PITPNM2: variants seen among roughly 807,000 people sequenced by gnomAD.
PITPNM2 encodes the protein membrane-associated phosphatidylinositol transfer protein 2.
Under a neutral mutation model 132.2 loss-of-function variants are expected in PITPNM2, and 35 were observed. That is an observed-to-expected ratio of 0.26 (90% CI 0.20 to 0.35). The LOEUF (loss-of-function observed/expected upper bound fraction) is 0.35, where lower values mean the gene tolerates loss of function less well. Ranked by LOEUF, PITPNM2 falls within the 10% of genes least tolerant of loss-of-function variation. PITPNM2 has a pLI of 1.00. For missense variants in PITPNM2, 1,332 were observed against 1,912.0 expected (o/e 0.70, Z 5.66); for synonymous variants, 738 against 799.2 (o/e 0.92, Z 1.29).
intron 2 of PITPNM2, among the ~76,000 whole-genome samples, chr12:123,101,313 G>A (rs142005120): frequency 2.8e-4 from 42 of 152,234 alleles, no homozygotes; most frequent in African/African-American, 9.2e-4. Flanking sequence ...CCCTCCTGCC[G>A]AGATGCCACC....
chr12:123,078,277 C>A lies in PITPNM2; in HGVS notation c.-96+32108G>T, dbSNP rs1010129972. Among the ~76,000 whole-genome samples, 3 of 152,196 alleles carry A rather than the reference C, an allele frequency of 2.0e-5. No individual in the cohort carries two copies. Among genetic ancestry groups the A allele is most frequent in the African/African-American group, 7.2e-5 (3 of 41,454 alleles). On this transcript the variant is annotated intron_variant, in intron 2 of 25. Transcript: ENST00000320201. The surrounding 1 kb of genome is among the most constrained non-coding windows in gnomAD (Gnocchi z 7.3). Reference sequence around the variant, plus strand: ...CAATCCCACAGTTCTGCTGCTGCAGCCTCCCCCATACCAGGCCTCAGGGTC... The same window carrying A: ...CAATCCCACAGTTCTGCTGCTGCAGACTCCCCCATACCAGGCCTCAGGGTC...
intron 2 of PITPNM2, among the ~76,000 whole-genome samples, chr12:123,049,618 A>G (rs1294025878): frequency 6.6e-6 from 1 of 152,064 alleles, no homozygotes; most frequent in East Asian, 1.9e-4. Flanking sequence ...TCCCTTCTAC[A>G]GTGTAGATTT....
At chr12:123,030,620 G>C (rs887469995) in intron 3 of PITPNM2, among the ~76,000 whole-genome samples, 1 of 151,912 alleles carries the variant, frequency 6.6e-6, no homozygotes, top group Non-Finnish European at 1.5e-5. Context: ...GTGAACCCGG[G>C]AGGCGGAGCT....
At chr12:123,042,113 T>C (rs188606293) in intron 2 of PITPNM2, among the ~76,000 whole-genome samples, 36 of 151,462 alleles carry the variant, frequency 2.4e-4, no homozygotes, top group Non-Finnish European at 4.4e-4. Flanking sequence ...AGAAGAGCTG[T>C]GAGGGATGTC....
In PITPNM2 at chr12:123,023,301, C is replaced by T. The variant is rs2039741320; in HGVS notation, c.79-9259G>A. ...GCGCAGGCGTGCATGCGTGCACACACATGTGGCGTGTGTGTGCATGCAGGA... is the reference window on the plus strand; with the variant it reads ...GCGCAGGCGTGCATGCGTGCACACATATGTGGCGTGTGTGTGCATGCAGGA... On this transcript the variant is annotated intron_variant, in intron 3 of 25. Coordinates refer to ENST00000320201, the MANE Select transcript of PITPNM2 (RefSeq NM_020845.3). This position sits in a 1 kb window ranked among gnomAD's most constrained non-coding sequence, Gnocchi z 4.8. Among the ~76,000 whole-genome samples, 1 of 152,206 alleles carries T rather than the reference C, an allele frequency of 6.6e-6. No homozygotes were observed. The highest frequency in any genetic ancestry group is 1.9e-4 in the East Asian group (1 of 5,188).
At chr12:123,107,300 T>G (rs1784104513) in intron 2 of PITPNM2, among the ~76,000 whole-genome samples, 1 of 152,210 alleles carries the variant, frequency 6.6e-6, no homozygotes, top group Non-Finnish European at 1.5e-5. Context: ...CTCATGGCAA[T>G]GCCAGAAGCT....
chr12:122,991,636 C>T (rs1446584776), intron 16 of PITPNM2: 2 of 1,105,468 alleles, frequency 1.8e-6, no homozygotes, highest in Non-Finnish European at 2.3e-6. Flanking sequence ...GTCTCTGTTC[C>T]TCACCACCCA....
At chr12:123,007,507 G>A (rs775608246) in intron 6 of PITPNM2, 9 of 423,214 alleles carry the variant, frequency 2.1e-5, no homozygotes, top group South Asian at 5.0e-5. Context: ...GTTGGGCCAC[G>A]CCAGGCTCCC....
intron 1 of PITPNM2, among the ~76,000 whole-genome samples, chr12:123,130,779 CA>C (rs145349013): frequency 6.7e-6 from 1 of 150,188 alleles, no homozygotes; most frequent in South Asian, 2.1e-4. Context: ...GACTCCATCT[CA>C]AAAAAAAAGA....
chr12:123,055,553 C>G (rs1432498827), intron 2 of PITPNM2, among the ~76,000 whole-genome samples: 1 of 152,238 alleles, frequency 6.6e-6, no homozygotes, highest in Non-Finnish European at 1.5e-5. Context: ...TCAGTGACAT[C>G]TTGATGCAGC....
At position 122,988,757 on chromosome 12, in the gene PITPNM2, C is replaced by T. The variant is rs2038050085; in HGVS notation, c.2847G>A (p.Glu949=). Residue 949 remains glutamate, a synonymous_variant, in exon 19 of 26, where the codon GAG becomes GAA. Coordinates refer to ENST00000320201, the MANE Select transcript of PITPNM2 (RefSeq NM_020845.3). ...GCAGAAAGGAGACCACGTCTGTTGA[C>T]TCCCAGTAGCTGGCGTGGAAGAGGT... is the stretch of plus-strand genomic sequence containing the variant. ...LPHLFHASYW[E]STDVVSFLLR... 1 of 1,571,204 alleles carries T rather than the reference C, an allele frequency of 6.4e-7. No homozygotes were observed. Among genetic ancestry groups the T allele is most frequent in the Non-Finnish European group, 8.6e-7 (1 of 1,157,942 alleles).
intron 3 of PITPNM2, among the ~76,000 whole-genome samples, chr12:123,033,698 G>T (rs1045146862): frequency 7.9e-5 from 12 of 152,150 alleles, no homozygotes; most frequent in Non-Finnish European, 1.8e-4. Flanking sequence ...AGAATGGGGT[G>T]TTATGGACTG....
rs1383422170 is a variant in PITPNM2, at chr12:123,083,978, GC to G, written c.-96+26406del. 3 of 152,330 alleles carry G rather than the reference GC, an allele frequency of 2.0e-5. No homozygotes were observed. The highest frequency in any genetic ancestry group is 7.2e-5 in the African/African-American group (3 of 41,474). 9.4% of individuals were successfully genotyped at this position (152,330 alleles called of 1,614,324 possible). On this transcript the variant is annotated intron_variant, in intron 2 of 25. Transcript: ENST00000320201. The surrounding 1 kb of genome is among the most constrained non-coding windows in gnomAD (Gnocchi z 4.5). ...CCACCTCCCCAACCTCAGCAAGCCT[GC>G]TGGGGTGACTGCACTCAGGCCAGGC...
chr12:123,055,956 T>G (rs1374661258), intron 2 of PITPNM2, among the ~76,000 whole-genome samples: 1 of 150,790 alleles, frequency 6.6e-6, no homozygotes, highest in East Asian at 2.0e-4. Context: ...AGAAATAGAG[T>G]GGCACCTTTT....
At position 123,004,279 on chromosome 12, in the gene PITPNM2, T is replaced by C. The variant is rs2038822331; in HGVS notation, c.1048+115A>G. On this transcript the variant is annotated intron_variant, in intron 8 of 25. Transcript: ENST00000320201. This position sits in a 1 kb window ranked among gnomAD's most constrained non-coding sequence, Gnocchi z 4.9. ...ACAGTGCAGGTATAGGGACTGGATA[T>C]AGAATAGTAACAGGCAACACCCGCA... is the stretch of plus-strand genomic sequence containing the variant. The C allele has an allele frequency of 2.1e-6, 2 of 945,918 alleles. No homozygotes were observed. The highest frequency in any genetic ancestry group is 2.6e-5 in the East Asian group (1 of 38,792). 58.6% of individuals were successfully genotyped at this position (945,918 alleles called of 1,614,324 possible).
In PITPNM2 at chr12:122,998,519, C is replaced by G. The variant is rs73411029; in HGVS notation, c.1225-947G>C. ...TCCCCAGAGGTCACCCTCCCCTGCC[C>G]CAAGCTTCTGGTATGTGACCAGAGG... On this transcript the variant is annotated intron_variant, in intron 10 of 25. Coordinates refer to ENST00000320201, the MANE Select transcript of PITPNM2 (RefSeq NM_020845.3). Among the ~76,000 whole-genome samples, 960 of 152,348 alleles carry G rather than the reference C, an allele frequency of 6.3e-3. 14 individuals are homozygous for G. Among genetic ancestry groups the G allele is most frequent in the African/African-American group, 0.022 (903 of 41,578 alleles).
At chr12:123,074,631 CCACACACA>C (rs370209153) in intron 2 of PITPNM2, among the ~76,000 whole-genome samples, 3 of 151,128 alleles carry the variant, frequency 2.0e-5, no homozygotes, top group African/African-American at 7.3e-5. Context: ...ACCCACCCAC[CCACACACA>C]CACACAAACA....
chr12:123,014,651 G>T (rs60466445), intron 3 of PITPNM2, among the ~76,000 whole-genome samples: 1 of 152,282 alleles, frequency 6.6e-6, no homozygotes, highest in African/African-American at 2.4e-5. Flanking sequence ...GCAGTGAGCT[G>T]AGATCACGCC....
Position 123,000,191 on chromosome 12 carries a change from C to A in PITPNM2, c.1224+587G>T. On this transcript the variant is annotated intron_variant, in intron 10 of 25. Transcript: ENST00000320201. This position sits in a 1 kb window ranked among gnomAD's most constrained non-coding sequence, Gnocchi z 5.4. ...GCGGTGACCGCAGGTGATGGTGGGACAGCCCAGCTCAGCCCTGGCTCCTGT... is the reference window on the plus strand; with the variant it reads ...GCGGTGACCGCAGGTGATGGTGGGAAAGCCCAGCTCAGCCCTGGCTCCTGT... 1 of 578,884 alleles carries A rather than the reference C, an allele frequency of 1.7e-6. No individual in the cohort carries two copies. The highest frequency in any genetic ancestry group is 3.1e-6 in the Non-Finnish European group (1 of 325,632). 35.9% of individuals were successfully genotyped at this position (578,884 alleles called of 1,614,324 possible). A position where few individuals can be genotyped will look rare whatever the true frequency, so the allele number is the denominator to read the frequency against.
Sources: gnomAD v4.1 joint callset for allele counts (sites outside exome capture counted in the v4.1 genomes callset) on GRCh38, gnomAD v4.1.1 for gene constraint, Gnocchi (gnomAD v3.1) non-coding constraint, MANE v1.5 for transcripts, NCBI Gene and HGNC (gene_info 2026-07-23, HGNC 2026-07-21) for gene names.